LRP1B: variants seen among roughly 807,000 people sequenced by gnomAD.
LRP1B encodes LDL receptor related protein 1B, also known as low-density lipoprotein receptor-related protein 1B.
Under a neutral mutation model 556.6 loss-of-function variants are expected in LRP1B, and 217 were observed. That is an observed-to-expected ratio of 0.39 (90% CI 0.35 to 0.44). The LOEUF (loss-of-function observed/expected upper bound fraction) is 0.44. LRP1B is among the 20% of genes least tolerant of loss of function. The pLI is 1.00. For synonymous variants in LRP1B, 2,047 were observed against 1,865.8 expected (o/e 1.10, Z -2.50); for missense variants, 5,053 against 5,620.8 (o/e 0.90, Z 3.23).
At chr2:141,285,049 G>A (rs1179306622) in intron 3 of LRP1B, among the ~76,000 whole-genome samples, 2 of 151,342 alleles carry the variant, frequency 1.3e-5, no homozygotes, top group Non-Finnish European at 2.9e-5. Flanking sequence ...AGTTTTAGCA[G>A]TAGTTTTTCT....
At chr2:141,745,831 C>T (rs946268619) in intron 2 of LRP1B, among the ~76,000 whole-genome samples, 3 of 152,046 alleles carry the variant, frequency 2.0e-5, no homozygotes, top group African/African-American at 4.8e-5. Context: ...TCACCCAAGG[C>T]CCATGGTATA....
intron 1 of LRP1B, among the ~76,000 whole-genome samples, chr2:142,098,083 A>G (rs1007004371): frequency 1.3e-5 from 2 of 151,746 alleles, no homozygotes; most frequent in Non-Finnish European, 3.0e-5. Flanking sequence ...CAGACCTCTA[A>G]TAATGCCAGG....
At chr2:141,334,515 C>G (rs186675155) in intron 3 of LRP1B, among the ~76,000 whole-genome samples, 1 of 152,274 alleles carries the variant, frequency 6.6e-6, no homozygotes, top group African/African-American at 2.4e-5. Flanking sequence ...CAGGTATTTC[C>G]TTATAGTAGT....
At chr2:140,624,450 C>G (rs747981437) in intron 41 of LRP1B, among the ~76,000 whole-genome samples, 7 of 152,182 alleles carry the variant, frequency 4.6e-5, no homozygotes, top group African/African-American at 7.2e-5. Flanking sequence ...CACTAATCCT[C>G]AACAATGATT....
At chr2:140,308,621 C>CCTAA (rs1558789175) in intron 83 of LRP1B, among the ~76,000 whole-genome samples, 1 of 151,522 alleles carries the variant, frequency 6.6e-6, no homozygotes, top group African/African-American at 2.4e-5. Flanking sequence ...ATGTTTTATA[C>CCTAA]CTAACTAGTT....
intron 42 of LRP1B, among the ~76,000 whole-genome samples, chr2:140,600,571 C>T (rs1373160226): frequency 6.6e-6 from 1 of 152,000 alleles, no homozygotes; most frequent in East Asian, 1.9e-4. Flanking sequence ...GTTTTAATCA[C>T]ACCTAAAACG....
chr2:140,628,475 T>C (rs993712041), intron 41 of LRP1B, among the ~76,000 whole-genome samples: 3 of 150,584 alleles, frequency 2.0e-5, no homozygotes, highest in Non-Finnish European at 2.9e-5. Context: ...AGGCGGAGCT[T>C]GCAGTGAGCC....
intron 3 of LRP1B, among the ~76,000 whole-genome samples, chr2:141,373,280 G>T (rs978328224): frequency 2.6e-5 from 4 of 151,994 alleles, no homozygotes; most frequent in Admixed American, 2.6e-4. Flanking sequence ...GTCTATTTTG[G>T]AGAATGTTCC....
intron 1 of LRP1B, among the ~76,000 whole-genome samples, chr2:141,818,670 A>G (rs371859295): frequency 5.2e-4 from 77 of 148,928 alleles, no homozygotes; most frequent in South Asian, 1.7e-3. Flanking sequence ...CCGAGTAGCT[A>G]GGACTACAGG....
intron 77 of LRP1B, among the ~76,000 whole-genome samples, chr2:140,339,654 T>A (rs1681271616): frequency 6.6e-6 from 1 of 151,670 alleles, no homozygotes; most frequent in Non-Finnish European, 1.5e-5. Context: ...TGAATCGGAT[T>A]CACTTCCAAT....
intron 21 of LRP1B, among the ~76,000 whole-genome samples, chr2:140,913,287 G>C (rs142052236): frequency 5.5e-4 from 84 of 151,876 alleles, no homozygotes; most frequent in African/African-American, 2.0e-3. Flanking sequence ...CTGACCTTGT[G>C]GAGCAATAAC....
intron 18 of LRP1B, among the ~76,000 whole-genome samples, chr2:140,962,306 C>A (rs1381752914): frequency 6.6e-6 from 1 of 152,152 alleles, no homozygotes; most frequent in East Asian, 1.9e-4. Context: ...ATCCCCCATG[C>A]AACCTTCTAG....
At chr2:141,946,746 C>T (rs550465696) in intron 1 of LRP1B, among the ~76,000 whole-genome samples, 2 of 152,186 alleles carry the variant, frequency 1.3e-5, no homozygotes, top group East Asian at 3.9e-4. Context: ...GAAACAATGG[C>T]CTTTTAGTCA....
chr2:141,845,821 A>T (rs1310210041), intron 1 of LRP1B, among the ~76,000 whole-genome samples: 3 of 152,012 alleles, frequency 2.0e-5, no homozygotes, highest in Non-Finnish European at 2.9e-5. Flanking sequence ...TCAGAAGAAT[A>T]TAGGAGAACT....
intron 41 of LRP1B, among the ~76,000 whole-genome samples, chr2:140,635,713 T>A (rs1396076638): frequency 6.6e-6 from 1 of 152,054 alleles, no homozygotes; most frequent in Non-Finnish European, 1.5e-5. Flanking sequence ...AGAACTTTTG[T>A]TGGGCTACTT....
intron 1 of LRP1B, among the ~76,000 whole-genome samples, chr2:141,889,768 C>T (rs1037330245): frequency 1.3e-5 from 2 of 152,028 alleles, no homozygotes; most frequent in African/African-American, 4.8e-5. Context: ...TGTAAACAAT[C>T]CCTAAATAAT....
intron 81 of LRP1B, among the ~76,000 whole-genome samples, chr2:140,323,323 A>ATAAG (rs1680260423): frequency 2.6e-5 from 4 of 152,030 alleles, no homozygotes; most frequent in Admixed American, 2.0e-4. Flanking sequence ...GAGACTAACA[A>ATAAG]TAAGTCATAT....
chr2:142,023,159 C>T (rs1270787118), intron 1 of LRP1B, among the ~76,000 whole-genome samples: 1 of 152,178 alleles, frequency 6.6e-6, no homozygotes, highest in Non-Finnish European at 1.5e-5. Flanking sequence ...CCAGTGCCAG[C>T]TTTGAAGGAG....
intron 66 of LRP1B, among the ~76,000 whole-genome samples, chr2:140,408,623 A>C (rs1344298336): frequency 6.6e-6 from 1 of 151,990 alleles, no homozygotes; most frequent in Non-Finnish European, 1.5e-5. Context: ...ATTTTAGAAG[A>C]GTGACCTCTT....
Sources: allele counts gnomAD v4.1 joint callset (sites outside exome capture counted in the v4.1 genomes callset), GRCh38; gene constraint gnomAD v4.1.1; transcripts MANE v1.5; gene names NCBI Gene and HGNC (gene_info 2026-07-23, HGNC 2026-07-21).